Variants in SLMAP observed in about 807,000 individuals in gnomAD.
SLMAP encodes the protein sarcolemma associated protein, also known as sarcolemmal membrane-associated protein.
SLMAP carries 44 observed loss-of-function variants against 128.8 expected under a neutral mutation model. The observed-to-expected ratio is 0.34, with a 90% CI of 0.27 to 0.44. The LOEUF (loss-of-function observed/expected upper bound fraction) is 0.44. Ranked by LOEUF, SLMAP falls within the 20% of genes least tolerant of loss-of-function variation. The pLI is 1.00. For synonymous variants in SLMAP, 327 were observed against 348.8 expected (o/e 0.94, Z 0.70); for missense variants, 787 against 985.3 (o/e 0.80, Z 2.69).
intron 2 of SLMAP, among the ~76,000 whole-genome samples, chr3:57,784,543 A>G (rs2083699875): frequency 6.6e-6 from 1 of 152,158 alleles, no homozygotes; most frequent in South Asian, 2.1e-4. Context: ...ACAGGCTCAC[A>G]CTTGGAGGGA....
Position 57,925,844 on chromosome 3 carries a change from G to A in SLMAP, c.2446-1G>A, listed in dbSNP as rs1199158555. On this transcript the variant is annotated splice_acceptor_variant, in intron 23 of 24. Transcript: ENST00000671191. LOFTEE classifies it high-confidence loss of function. ...ATTTTAATATGCCTTCCCTTCTTTA[G>A]CCTTCCATATTACAACCCGTCCCAG... is the stretch of plus-strand genomic sequence containing the variant. 1.9e-6 allele frequency: 3 copies of A among 1,549,224 alleles called. No homozygotes were observed. The highest frequency in any genetic ancestry group is 2.6e-6 in the Non-Finnish European group (3 of 1,145,706).
chr3:57,772,841 T>C (rs1234836221), intron 2 of SLMAP, among the ~76,000 whole-genome samples: 1 of 152,086 alleles, frequency 6.6e-6, no homozygotes, highest in African/African-American at 2.4e-5. Flanking sequence ...GGTTTCTCCA[T>C]GTTGGTCAGG....
intron 17 of SLMAP, chr3:57,899,981 A>G (rs1034693553): frequency 6.6e-6 from 1 of 152,074 alleles, no homozygotes; most frequent in African/African-American, 2.4e-5. Context: ...AGAAACATTT[A>G]TGTTATGCTT....
chr3:57,795,310 C>T (rs1210199003), intron 2 of SLMAP, among the ~76,000 whole-genome samples: 6 of 151,880 alleles, frequency 4.0e-5, no homozygotes, highest in South Asian at 4.1e-4. Flanking sequence ...GAAGCTGAGG[C>T]GGGCGGATCA....
chr3:57,866,120 C>T (rs1279210019), intron 13 of SLMAP, among the ~76,000 whole-genome samples: 1 of 151,964 alleles, frequency 6.6e-6, no homozygotes, highest in East Asian at 1.9e-4. Flanking sequence ...AATATTTTTT[C>T]CCTTAGCCAG....
rs2096550075 is a variant in SLMAP at position 57,906,310 on chromosome 3, C to CTTTTTTTCTTTTTTTTTTTTTT, written c.1502-1567_1502-1566insCTTTTTTTTTTTTTTTTTTTTT. On this transcript the variant is annotated intron_variant, in intron 17 of 24. Transcript: ENST00000671191. The stretch of plus-strand genomic sequence containing the variant: ...GAATCAAATTTTTTTCTTTTTTTTT[C>CTTTTTTTCTTTTTTTTTTTTTT]TTTTTTTTTTTTTTTTTTTTTTAGA... Among the ~76,000 whole-genome samples, 2 of 47,050 alleles carry CTTTTTTTCTTTTTTTTTTTTTT rather than the reference C, an allele frequency of 4.3e-5. 1 individual carries two copies. The highest frequency in any genetic ancestry group is 8.5e-5 in the Non-Finnish European group (2 of 23,558). The allele number at this position is 47,050 out of a possible 152,430, so 30.9% of individuals were successfully genotyped here.
chr3:57,782,425 T>C (rs1028869332), intron 2 of SLMAP, among the ~76,000 whole-genome samples: 3 of 152,188 alleles, frequency 2.0e-5, no homozygotes, highest in Non-Finnish European at 4.4e-5. Flanking sequence ...CTTTCTGATA[T>C]CATTTAGTTA....
At chr3:57,771,216 C>G (rs2080826348) in intron 2 of SLMAP, among the ~76,000 whole-genome samples, 2 of 141,866 alleles carry the variant, frequency 1.4e-5, no homozygotes, top group African/African-American at 2.6e-5. Flanking sequence ...TCCTCCTCCT[C>G]CTTTGAGAGA....
At chr3:57,883,836 G>A (rs1186408152) in intron 14 of SLMAP, among the ~76,000 whole-genome samples, 1 of 152,106 alleles carries the variant, frequency 6.6e-6, no homozygotes, top group Non-Finnish European at 1.5e-5. Flanking sequence ...TACCTGTCAG[G>A]TAGGGCAGGA....
intron 13 of SLMAP, among the ~76,000 whole-genome samples, 156 bp from the exon 14 acceptor site, chr3:57,871,480 A>G (rs1309757179): frequency 6.6e-6 from 1 of 152,188 alleles, no homozygotes; most frequent in African/African-American, 2.4e-5. Context: ...CAGTCATTTA[A>G]CTCCAAAATA....
intron 17 of SLMAP, 49 bp downstream of exon 17, chr3:57,896,981 C>G: frequency 6.2e-7 from 1 of 1,609,018 alleles, no homozygotes; most frequent in South Asian, 1.1e-5. Context: ...ATCAAATCAC[C>G]CTTTGCCATA....
intron 5 of SLMAP, among the ~76,000 whole-genome samples, chr3:57,848,889 AGTAGAGACG>A (rs1246105594): frequency 2.6e-5 from 4 of 151,170 alleles, no homozygotes; most frequent in Non-Finnish European, 4.4e-5. Context: ...TTACGTTTTT[AGTAGAGACG>A]GGGTTTCTCC....
chr3:57,777,902 T>C, intron 2 of SLMAP, among the ~76,000 whole-genome samples: 1 of 152,238 alleles, frequency 6.6e-6, no homozygotes, highest in Non-Finnish European at 1.5e-5. Flanking sequence ...TCTCATACTT[T>C]GTTGTTGATA....
At position 57,864,733 on chromosome 3, in the gene SLMAP, G is replaced by A. The variant is rs755736106; in HGVS notation, c.1135+17G>A. ...CTTTACAAGGTAAGTAGCTAATCCA[G>A]AAATTGATTTTATTTTATTTTTTTT... On this transcript the variant is annotated intron_variant, in intron 11 of 24. Coordinates refer to ENST00000671191, the MANE Select transcript of SLMAP (RefSeq NM_001377540.1). The A allele has an allele frequency of 6.3e-7, 1 of 1,576,306 alleles. No homozygotes were observed. The highest frequency in any genetic ancestry group is 8.6e-7 in the Non-Finnish European group (1 of 1,166,174).
intron 2 of SLMAP, among the ~76,000 whole-genome samples, chr3:57,785,549 T>G (rs1255460436): frequency 6.6e-6 from 1 of 152,202 alleles, no homozygotes; most frequent in Non-Finnish European, 1.5e-5. Flanking sequence ...ATGTTTTGAT[T>G]CTTCTGGGTT....
intron 8 of SLMAP, among the ~76,000 whole-genome samples, chr3:57,860,260 T>C (rs2094983676): frequency 6.6e-6 from 1 of 152,210 alleles, no homozygotes; most frequent in African/African-American, 2.4e-5. Context: ...TGTTTCAGGC[T>C]CATTTTGTAC....
At chr3:57,919,479 T>G (rs1194738152) in intron 22 of SLMAP, among the ~76,000 whole-genome samples, 1 of 151,994 alleles carries the variant, frequency 6.6e-6, no homozygotes, top group East Asian at 1.9e-4. Flanking sequence ...TATATTTTAA[T>G]TTAGTAGGAA....
chr3:57,903,735 G>GAA (rs1006916268), intron 17 of SLMAP, among the ~76,000 whole-genome samples: 1 of 152,056 alleles, frequency 6.6e-6, no homozygotes, highest in Non-Finnish European at 1.5e-5. Context: ...TCATGTTAAG[G>GAA]AAAAAACAGA....
intron 6 of SLMAP, among the ~76,000 whole-genome samples, chr3:57,854,141 T>C (rs996871692): frequency 4.7e-5 from 7 of 149,226 alleles, no homozygotes; most frequent in African/African-American, 1.7e-4. Flanking sequence ...CAAATAGTTA[T>C]TTAATTCTCC....
Sources: gnomAD v4.1 joint callset for allele counts (sites outside exome capture counted in the v4.1 genomes callset) on GRCh38, gnomAD v4.1.1 for gene constraint, MANE v1.5 for transcripts, NCBI Gene and HGNC (gene_info 2026-07-23, HGNC 2026-07-21) for gene names.